BAMBI: variants seen among roughly 807,000 people sequenced by gnomAD.
The protein encoded by BAMBI is BMP and activin membrane-bound inhibitor homolog.
Under a neutral mutation model 24.1 loss-of-function variants are expected in BAMBI, and 21 were observed. That is an observed-to-expected ratio of 0.87 (90% CI 0.62 to 1.26). BAMBI has a LOEUF of 1.26. Ranked by LOEUF, BAMBI falls within the 50% of genes most tolerant of loss-of-function variation. The pLI is 0.00. For synonymous variants in BAMBI, 156 were observed against 123.1 expected (o/e 1.27, Z -1.77); for missense variants, 388 against 329.1 (o/e 1.18, Z -1.38).
chr10:28,681,802 C>G lies in BAMBI; in HGVS notation c.365-181C>G. On this transcript the variant is annotated intron_variant, in intron 2 of 2. Transcript: ENST00000375533. ...AAAGGCCATTACATCTCAGTAATGACAGTCTGTAAACAAATGCGTTTGTAA... is the reference window on the plus strand; with the variant it reads ...AAAGGCCATTACATCTCAGTAATGAGAGTCTGTAAACAAATGCGTTTGTAA... 3.9e-6 allele frequency: 3 copies of G among 766,018 alleles called. No individual in the cohort carries two copies. In the South Asian group the frequency reaches 5.8e-5, roughly 15 times the overall value. The allele number at this position is 766,018 out of a possible 1,614,324, so 47.5% of individuals were successfully genotyped here.
chr10:28,678,258 C>G (rs1021988788), intron 1 of BAMBI, among the ~76,000 whole-genome samples: 1 of 152,176 alleles, frequency 6.6e-6, no homozygotes, highest in Non-Finnish European at 1.5e-5. Context: ...GCCTCGACGC[C>G]GCCGCTTCCG....
intron 2 of BAMBI, 37 bp downstream of exon 2, chr10:28,681,582 GAT>G (rs2132946638): frequency 6.2e-7 from 1 of 1,601,048 alleles, no homozygotes; most frequent in African/African-American, 1.3e-5. Context: ...ATGCCTGCCT[GAT>G]CTATAGACTT....
chr10:28,679,408 C>A (rs2132945147), intron 1 of BAMBI, among the ~76,000 whole-genome samples: 1 of 152,250 alleles, frequency 6.6e-6, no homozygotes, highest in Middle Eastern at 3.4e-3. Flanking sequence ...TCCACAGTTT[C>A]AAAATACCAG....
rs569068213 is a variant in BAMBI, at chr10:28,679,109, GTAAT to G, written c.76+1140_76+1143del. 2.6e-5 allele frequency among the ~76,000 whole-genome samples: 4 copies of G among 152,336 alleles called. No homozygotes were observed. The South Asian group carries it at 8.3e-4, about 32-fold the overall frequency. Reference sequence around the variant, plus strand: ...ATTTATTTATTTTGGAAGGAAGGGTGTAATTAACCCTAAATAACAGCCCTTGTGG... The same window carrying G: ...ATTTATTTATTTTGGAAGGAAGGGTGTAACCCTAAATAACAGCCCTTGTGG... On this transcript the variant is annotated intron_variant, in intron 1 of 2. Transcript: ENST00000375533.
chr10:28,681,329 G>C lies in BAMBI; in HGVS notation c.148G>C (p.Ala50Pro). 6.2e-7 allele frequency: 1 copy of C among 1,614,090 alleles called. No homozygotes were observed. The highest frequency in any genetic ancestry group is 8.5e-7 in the Non-Finnish European group (1 of 1,180,040). ...TTATATGTGTAAATCTGAGCTCAGC[G>C]CCTGCTTCTCTAGACTTCTTGATCC... ...TGYMCKSELS[A>P]CFSRLLDPQN... The change falls in exon 2 of 3, where the codon GCC becomes CCC. Residue 50 changes from alanine to proline, a missense_variant. Ala to Pro is a conservative substitution (Grantham distance 27). Coordinates refer to ENST00000375533, the MANE Select transcript of BAMBI (RefSeq NM_012342.3).
chr10:28,678,437 G>T (rs1834462020), intron 1 of BAMBI, among the ~76,000 whole-genome samples: 1 of 152,232 alleles, frequency 6.6e-6, no homozygotes, highest in African/African-American at 2.4e-5. Context: ...TTGTGTTTCT[G>T]AAAGTGTGTC....
In BAMBI at chr10:28,677,596, C is replaced by G. The variant is rs1834449139; in HGVS notation, c.-302C>G. On this transcript the variant is annotated 5_prime_UTR_variant, in exon 1 of 3. Coordinates refer to ENST00000375533, the MANE Select transcript of BAMBI (RefSeq NM_012342.3). ...CCCTACTCTCTTCGCTGAGAACGGC[C>G]GCTAGCGGGGACTGAAGGCCGGGAG... 1 of 206,004 alleles carries G rather than the reference C, an allele frequency of 4.9e-6. No homozygotes were observed. The highest frequency in any genetic ancestry group is 2.3e-5 in the African/African-American group (1 of 43,110). The allele number at this position is 206,004 out of a possible 1,614,324, so 12.8% of individuals were successfully genotyped here. A position where few individuals can be genotyped will look rare whatever the true frequency, so the allele number is the denominator to read the frequency against.
chr10:28,677,633 C>T lies in BAMBI; in HGVS notation c.-265C>T, dbSNP rs1484737374. ...CTGAAGGCCGGGAGCCCACTCCCGACCCGGGGCTAGCGTGCGTCCCTAGAG... is the reference window on the plus strand; with the variant it reads ...CTGAAGGCCGGGAGCCCACTCCCGATCCGGGGCTAGCGTGCGTCCCTAGAG... On this transcript the variant is annotated 5_prime_UTR_variant, in exon 1 of 3. Coordinates refer to ENST00000375533, the MANE Select transcript of BAMBI (RefSeq NM_012342.3). 8.4e-6 allele frequency: 2 copies of T among 237,558 alleles called. No individual in the cohort carries two copies. Among genetic ancestry groups the T allele is most frequent in the African/African-American group, 4.6e-5 (2 of 43,776 alleles). 14.7% of individuals were successfully genotyped at this position (237,558 alleles called of 1,614,324 possible). A position where few individuals can be genotyped will look rare whatever the true frequency, so the allele number is the denominator to read the frequency against.
Position 28,677,891 on chromosome 10 carries a change from G to C in BAMBI, c.-7G>C, listed in dbSNP as rs1396886307. ...CGGCGGGGGCGCCGCGGCCGTGCGG[G>C]GCGTCAATGGATCGCCACTCCAGCT... On this transcript the variant is annotated 5_prime_UTR_variant, in exon 1 of 3. Transcript: ENST00000375533. 1.3e-5 allele frequency: 19 copies of C among 1,508,970 alleles called. No homozygotes were observed. Among genetic ancestry groups the C allele is most frequent in the Non-Finnish European group, 1.7e-5 (19 of 1,134,984 alleles). The allele number at this position is 1,508,970 out of a possible 1,614,324, so 93.5% of individuals were successfully genotyped here. A position where few individuals can be genotyped will look rare whatever the true frequency, so the allele number is the denominator to read the frequency against.
Position 28,678,212 on chromosome 10 carries a change from G to C in BAMBI, c.76+239G>C, listed in dbSNP as rs948174895. Among the ~76,000 whole-genome samples the C allele has an allele frequency of 2.6e-5, 4 of 152,188 alleles. No individual in the cohort carries two copies. In the South Asian group the frequency reaches 8.3e-4, roughly 31 times the overall value. ...TGGCTCTGCCTGCGGGGAGCGGCGC[G>C]TTTGCAGCCCAGCGGGGAGCGGGGC... On this transcript the variant is annotated intron_variant, in intron 1 of 2. Coordinates refer to ENST00000375533, the MANE Select transcript of BAMBI (RefSeq NM_012342.3).
Position 28,677,869 on chromosome 10 carries a change from C to A in BAMBI, c.-29C>A. ...GCCGAGCCGGGGCTCCGGAAGCCGG[C>A]GGGGGCGCCGCGGCCGTGCGGGGCG... On this transcript the variant is annotated 5_prime_UTR_variant, in exon 1 of 3. Transcript: ENST00000375533. 6.7e-7 allele frequency: 1 copy of A among 1,483,716 alleles called. No individual in the cohort carries two copies. The highest frequency in any genetic ancestry group is 1.3e-5 in the South Asian group (1 of 79,064). The allele number at this position is 1,483,716 out of a possible 1,614,324, so 91.9% of individuals were successfully genotyped here.
In BAMBI at chr10:28,681,369, C is replaced by T; in HGVS notation, c.188C>T (p.Ser63Phe). The change falls in exon 2 of 3, where the codon TCC becomes TTC. Residue 63 changes from serine (S) to phenylalanine (F), a missense_variant. Coordinates refer to ENST00000375533, the MANE Select transcript of BAMBI (RefSeq NM_012342.3). ...SRLLDPQNSN[S>F]PLTHGCLDSL... ...CTTCTTGATCCTCAGAACTCAAATTCCCCACTCACCCATGGCTGCCTGGAC... is the reference window on the plus strand; with the variant it reads ...CTTCTTGATCCTCAGAACTCAAATTTCCCACTCACCCATGGCTGCCTGGAC... The T allele has an allele frequency of 6.2e-7, 1 of 1,614,196 alleles. No individual in the cohort carries two copies. Among genetic ancestry groups the T allele is most frequent in the South Asian group, 1.1e-5 (1 of 91,090 alleles).
chr10:28,679,905 A>G (rs865802860), intron 1 of BAMBI, among the ~76,000 whole-genome samples: 1 of 152,304 alleles, frequency 6.6e-6, no homozygotes, highest in Middle Eastern at 3.4e-3. Flanking sequence ...GTGCAGATTT[A>G]GGAGCAAGAC....
At chr10:28,681,211 A>G (rs371796331) in intron 1 of BAMBI, 47 bp from the exon 2 acceptor site, 2 of 1,577,778 alleles carry the variant, frequency 1.3e-6, no homozygotes, top group African/African-American at 2.7e-5. Context: ...TAGTTGCTTT[A>G]TCTGGTCTCT....
At position 28,682,582 on chromosome 10, in the gene BAMBI, A is replaced by AAATGTATTTGCTTT; in HGVS notation, c.*186_*187insATTTGCTTTAATGT. 1.8e-6 allele frequency: 1 copy of AAATGTATTTGCTTT among 546,048 alleles called. No individual in the cohort carries two copies. 33.8% of individuals were successfully genotyped at this position (546,048 alleles called of 1,614,324 possible). Reference sequence around the variant, plus strand: ...TATTTGCACAGACTTAAATACAGTTAAATGTGTTATTTGCTTTTAAAATTA... The same window carrying AAATGTATTTGCTTT: ...TATTTGCACAGACTTAAATACAGTTAAATGTATTTGCTTTAATGTGTTATTTGCTTTTAAAATTA... On this transcript the variant is annotated 3_prime_UTR_variant, in exon 3 of 3. Transcript: ENST00000375533.
In BAMBI at chr10:28,678,440, AGT is replaced by A. The variant is rs547068122; in HGVS notation, c.76+472_76+473del. On this transcript the variant is annotated intron_variant, in intron 1 of 2. Transcript: ENST00000375533. Reference sequence around the variant, plus strand: ...CTCTGAGTGTCGTTGTGTTTCTGAAAGTGTGTCTGAACCTCTGTATCACTCAG... The same window carrying A: ...CTCTGAGTGTCGTTGTGTTTCTGAAAGTGTCTGAACCTCTGTATCACTCAG... Among the ~76,000 whole-genome samples the A allele has an allele frequency of 2.3e-4, 35 of 152,166 alleles. No homozygotes were observed. In the South Asian group the frequency reaches 6.6e-3, roughly 29 times the overall value.
chr10:28,677,927 C>T lies in BAMBI; in HGVS notation c.30C>T (p.Ile10=), dbSNP rs745859986. The T allele has an allele frequency of 1.8e-5, 27 of 1,532,042 alleles. No individual in the cohort carries two copies. The highest frequency in any genetic ancestry group is 1.8e-5 in the Non-Finnish European group (21 of 1,146,168). 94.9% of individuals were successfully genotyped at this position (1,532,042 alleles called of 1,614,324 possible). ...ATCGCCACTCCAGCTACATCTTCATCTGGCTGCAGCTGGAGCTCTGCGCCA... is the reference window on the plus strand; with the variant it reads ...ATCGCCACTCCAGCTACATCTTCATTTGGCTGCAGCTGGAGCTCTGCGCCA... The part of the protein sequence containing the change: MDRHSSYIF[I]WLQLELCAMA... Residue 10 remains isoleucine (I), a synonymous_variant, in exon 1 of 3, where the codon ATC becomes ATT. Coordinates refer to ENST00000375533, the MANE Select transcript of BAMBI (RefSeq NM_012342.3).
rs1835192347 is a variant in BAMBI at position 28,681,152 on chromosome 10, TG to T, written c.77-105del. The T allele has an allele frequency of 8.3e-6, 10 of 1,198,454 alleles. No individual in the cohort carries two copies. In the Admixed American group the frequency reaches 2.3e-4, roughly 27 times the overall value. 74.2% of individuals were successfully genotyped at this position (1,198,454 alleles called of 1,614,324 possible). Reference sequence around the variant, plus strand: ...TGTAGACTGGAGCCCTCAGCTTGGATGATCTAAAAGTTCATGCCTTTGAATT... The same window carrying T: ...TGTAGACTGGAGCCCTCAGCTTGGATATCTAAAAGTTCATGCCTTTGAATT... On this transcript the variant is annotated intron_variant, in intron 1 of 2. Coordinates refer to ENST00000375533, the MANE Select transcript of BAMBI (RefSeq NM_012342.3).
At position 28,682,240 on chromosome 10, in the gene BAMBI, G is replaced by T. The variant is rs72809669; in HGVS notation, c.622G>T (p.Val208Phe). The part of the protein sequence containing the change: ...FHGHHSKKGQ[V>F]AKLDLECMVP... ...CGGACACCATTCCAAAAAGGGGCAGGTTGCAAAGTTAGACTTGGAATGCAT... is the reference window on the plus strand; with the variant it reads ...CGGACACCATTCCAAAAAGGGGCAGTTTGCAAAGTTAGACTTGGAATGCAT... Residue 208 changes from valine to phenylalanine, a missense_variant, in exon 3 of 3, where the codon GTT becomes TTT. Coordinates refer to ENST00000375533, the MANE Select transcript of BAMBI (RefSeq NM_012342.3). 7 of 1,614,166 alleles carry T rather than the reference G, an allele frequency of 4.3e-6. No homozygotes were observed. In the East Asian group the frequency reaches 6.7e-5, roughly 15 times the overall value.
Sources: gnomAD v4.1 joint callset for allele counts (sites outside exome capture counted in the v4.1 genomes callset) on GRCh38, gnomAD v4.1.1 for gene constraint, MANE v1.5 for transcripts, NCBI Gene and HGNC (gene_info 2026-07-23, HGNC 2026-07-21) for gene names.